SLC12A4: variants seen among roughly 807,000 people sequenced by gnomAD.
SLC12A4 encodes the protein electroneutral potassium-chloride cotransporter 1.
Under a neutral mutation model 119.2 loss-of-function variants are expected in SLC12A4, and 84 were observed. That is an observed-to-expected ratio of 0.70 (90% CI 0.59 to 0.85). The LOEUF (loss-of-function observed/expected upper bound fraction) is 0.85. SLC12A4 is among the 40% of genes least tolerant of loss of function. The pLI, the probability that SLC12A4 is intolerant of heterozygous loss-of-function variation, is 0.00. For missense variants in SLC12A4, 1,298 were observed against 1,476.3 expected, an observed-to-expected ratio of 0.88 and a Z score of 1.98; for synonymous variants, 599 against 604.6, an observed-to-expected ratio of 0.99 and a Z score of 0.14.
At chr16:67,945,634 C>T in intron 21 of SLC12A4, 81 bp from the exon 22 acceptor site, 1 of 1,530,454 alleles carries the variant, frequency 6.5e-7, no homozygotes. Flanking sequence ...GACCACCTTG[C>T]CTCCGGGAAA....
intron 6 of SLC12A4, among the ~76,000 whole-genome samples, chr16:67,953,103 A>C (rs1173549150): frequency 6.6e-6 from 1 of 151,700 alleles, no homozygotes; most frequent in Non-Finnish European, 1.5e-5. Context: ...GTCTCAAAAA[A>C]ATAAATGAAT....
Position 67,949,773 on chromosome 16 carries a change from C to CCCCTG in SLC12A4, c.1748+22_1748+26dup, listed in dbSNP as rs746357429. ...GGGGTTCAGGAAGCCTTTCCCCATC[C>CCCCTG]CCCTGCCCTGCCCGGCCCCAGCTCA... On this transcript the variant is annotated intron_variant, in intron 13 of 23. Transcript: ENST00000316341. The surrounding 1 kb of genome is among the most constrained non-coding windows in gnomAD (Gnocchi z 4.6). 6 of 1,527,630 alleles carry CCCCTG rather than the reference C, an allele frequency of 3.9e-6. No homozygotes were observed. In the African/African-American group the frequency reaches 6.9e-5, roughly 18 times the overall value. The allele number at this position is 1,527,630 out of a possible 1,614,324, so 94.6% of individuals were successfully genotyped here.
rs878890963 is a variant in SLC12A4 at position 67,944,656 on chromosome 16, TG to T, written c.*183del. On this transcript the variant is annotated 3_prime_UTR_variant, in exon 24 of 24. Coordinates refer to ENST00000316341, the MANE Select transcript of SLC12A4 (RefSeq NM_005072.5). This position sits in a 1 kb window ranked among gnomAD's most constrained non-coding sequence, Gnocchi z 6.6. ...AAACATCCCAGGGTCCCACAAGACC[TG>T]GGATCCATCTCCATTTTGAGGCCCA... 5.0e-5 allele frequency: 72 copies of T among 1,426,114 alleles called. No individual in the cohort carries two copies. In the South Asian group the frequency reaches 1.0e-3, roughly 21 times the overall value. 88.3% of individuals were successfully genotyped at this position (1,426,114 alleles called of 1,614,324 possible). A position where few individuals can be genotyped will look rare whatever the true frequency, so the allele number is the denominator to read the frequency against.
chr16:67,966,895 G>A (rs1213199469), intron 1 of SLC12A4: 50 of 1,491,234 alleles, frequency 3.4e-5, no homozygotes, highest in Non-Finnish European at 4.3e-5. Flanking sequence ...TGTAGCTCCA[G>A]GTCCCTCCAG....
chr16:67,968,353 G>T, intron 1 of SLC12A4, 86 bp downstream of exon 1: 1 of 1,253,614 alleles, frequency 8.0e-7, no homozygotes, highest in Non-Finnish European at 1.1e-6. Flanking sequence ...CAAGGTCCCG[G>T]GATAGGTGCG....
In SLC12A4 at chr16:67,968,449, A is replaced by T; in HGVS notation, c.105T>A (p.Asp35Glu). ...WVDYGERAEL[D>E]DSDGHGNHRE... ...AGAACGCGCCCTCACCGTCCGAGTC[A>T]TCCAGCTCGGCGCGCTCCCCGTAGT... Residue 35 changes from aspartate (D) to glutamate (E), a missense_variant, in exon 1 of 24, where the codon GAT becomes GAA. Coordinates refer to ENST00000316341, the MANE Select transcript of SLC12A4 (RefSeq NM_005072.5). 6.4e-7 allele frequency: 1 copy of T among 1,574,780 alleles called. No homozygotes were observed. Among genetic ancestry groups the T allele is most frequent in the Non-Finnish European group, 8.6e-7 (1 of 1,166,420 alleles).
intron 3 of SLC12A4, among the ~76,000 whole-genome samples, chr16:67,960,606 T>C (rs1347323542): frequency 6.6e-6 from 1 of 151,156 alleles, no homozygotes; most frequent in Non-Finnish European, 1.5e-5. Context: ...CCTCTGAGAA[T>C]ACTACAGCCA....
At position 67,947,325 on chromosome 16, in the gene SLC12A4, A is replaced by G. The variant is rs1715118592; in HGVS notation, c.2072+6T>C. On this transcript the variant is annotated splice_donor_region_variant and intron_variant, in intron 16 of 23. Coordinates refer to ENST00000316341, the MANE Select transcript of SLC12A4 (RefSeq NM_005072.5). ...GCGCCCTGGCCAGGGTCTGGCGGGA[A>G]CTCACCGCCAGTTCTTGGTGTGAGG... The G allele has an allele frequency of 1.2e-6, 2 of 1,609,960 alleles. No individual in the cohort carries two copies. The highest frequency in any genetic ancestry group is 1.7e-6 in the Non-Finnish European group (2 of 1,178,530).
intron 15 of SLC12A4, 56 bp from the exon 16 acceptor site, chr16:67,947,491 A>G: frequency 1.3e-6 from 2 of 1,562,352 alleles, no homozygotes; most frequent in East Asian, 2.3e-5. Flanking sequence ...GGTTCTGTCT[A>G]TGTGGATGCG....
intron 6 of SLC12A4, chr16:67,954,316 A>C (rs1421870657): frequency 8.2e-6 from 3 of 364,494 alleles, no homozygotes; most frequent in Non-Finnish European, 1.1e-5. Flanking sequence ...CCCAGAAGGA[A>C]GCCTACATCA....
intron 5 of SLC12A4, among the ~76,000 whole-genome samples, chr16:67,956,165 C>T (rs1008651948): frequency 7.9e-5 from 12 of 151,338 alleles, no homozygotes; most frequent in African/African-American, 1.5e-4. Flanking sequence ...CGACACACTC[C>T]GTCTCAAAAT....
Position 67,950,851 on chromosome 16 carries a change from G to T in SLC12A4, c.1396+111C>A. The stretch of plus-strand genomic sequence containing the variant: ...GTGTATGTGCATGTGTGCATGAGAA[G>T]GGGAGCTATATATGAGTGTGTGGGG... On this transcript the variant is annotated intron_variant, in intron 10 of 23. Transcript: ENST00000316341. This position sits in a 1 kb window ranked among gnomAD's most constrained non-coding sequence, Gnocchi z 4.3. The T allele has an allele frequency of 7.0e-7, 1 of 1,427,374 alleles. No individual in the cohort carries two copies. The highest frequency in any genetic ancestry group is 9.7e-7 in the Non-Finnish European group (1 of 1,025,786). The allele number at this position is 1,427,374 out of a possible 1,614,324, so 88.4% of individuals were successfully genotyped here. A position where few individuals can be genotyped will look rare whatever the true frequency, so the allele number is the denominator to read the frequency against.
rs763176939 is a variant in SLC12A4 at position 67,951,293 on chromosome 16, T to C, written c.1144A>G (p.Ser382Gly). Residue 382 changes from serine (S) to glycine (G), a missense_variant, in exon 9 of 24, where the codon AGC (serine) becomes GGC (glycine). Physicochemically the swap from Ser to Gly is moderately conservative, Grantham distance 56 (BLOSUM62 0). Transcript: ENST00000316341. The surrounding 1 kb of genome is among the most constrained non-coding windows in gnomAD (Gnocchi z 5.2). ...ATGTCACCCTTCTCCAGGTAGGCGC[T>C]CCACAGGTTTTCTGCAGGGGTAGCT... ...AAGVLQENLW[S>G]AYLEKGDIVE... 1.7e-5 allele frequency: 28 copies of C among 1,612,992 alleles called. No homozygotes were observed. In the Admixed American group the frequency reaches 4.5e-4, roughly 26 times the overall value.
intron 1 of SLC12A4, chr16:67,963,861 G>A (rs2030721690): frequency 3.3e-6 from 5 of 1,533,822 alleles, no homozygotes; most frequent in East Asian, 4.9e-5. Context: ...GCAGAGGGGC[G>A]GGGCCAGCGT....
Position 67,950,515 on chromosome 16 carries a change from G to T in SLC12A4, c.1455-22C>A. ...ATACCTGCAGGGGCCACCAGAGTGA[G>T]GGATGTCAGGGGTCCGGAAGGATGG... is the stretch of plus-strand genomic sequence containing the variant. On this transcript the variant is annotated intron_variant, in intron 11 of 23. Transcript: ENST00000316341. This position sits in a 1 kb window ranked among gnomAD's most constrained non-coding sequence, Gnocchi z 4.3. 6.2e-7 allele frequency: 1 copy of T among 1,613,472 alleles called. No individual in the cohort carries two copies. Among genetic ancestry groups the T allele is most frequent in the Non-Finnish European group, 8.5e-7 (1 of 1,179,640 alleles).
At position 67,949,440 on chromosome 16, in the gene SLC12A4, G is replaced by C. The variant is rs1224470208; in HGVS notation, c.1748+360C>G. 2.8e-5 allele frequency: 5 copies of C among 176,814 alleles called. No individual in the cohort carries two copies. The highest frequency in any genetic ancestry group is 1.3e-4 in the Admixed American group (2 of 15,688). The allele number at this position is 176,814 out of a possible 1,614,324, so 11.0% of individuals were successfully genotyped here. A position where few individuals can be genotyped will look rare whatever the true frequency, so the allele number is the denominator to read the frequency against. ...CACTCCAGCCTGGGTGAGAGAGTGA[G>C]ACTCTGTCTCAAAAAAAAAAAACAA... On this transcript the variant is annotated intron_variant, in intron 13 of 23. Transcript: ENST00000316341. This position sits in a 1 kb window ranked among gnomAD's most constrained non-coding sequence, Gnocchi z 4.6.
chr16:67,944,363 G>A lies in SLC12A4; in HGVS notation c.*477C>T, dbSNP rs2058317000. 8.1e-6 allele frequency: 11 copies of A among 1,353,968 alleles called. No homozygotes were observed. The highest frequency in any genetic ancestry group is 1.0e-5 in the Non-Finnish European group (11 of 1,053,742). 83.9% of individuals were successfully genotyped at this position (1,353,968 alleles called of 1,614,324 possible). On this transcript the variant is annotated 3_prime_UTR_variant, in exon 24 of 24. Transcript: ENST00000316341. This position sits in a 1 kb window ranked among gnomAD's most constrained non-coding sequence, Gnocchi z 6.6. ...CACAATGTTTTATTGAAAAAGTCAG[G>A]CCTCAGCTCAGCTGTCTCCATTCGG...
Position 67,952,167 on chromosome 16 carries a change from A to G in SLC12A4, c.917+17T>C. 7.4e-6 allele frequency: 12 copies of G among 1,613,386 alleles called. No homozygotes were observed. Among genetic ancestry groups the G allele is most frequent in the Non-Finnish European group, 1.0e-5 (12 of 1,179,400 alleles). Reference sequence around the variant, plus strand: ...GGATGTCCATGCAATGCCCAGATAAATTCCTGGGTTACTTACGGAAACACG... The same window carrying G: ...GGATGTCCATGCAATGCCCAGATAAGTTCCTGGGTTACTTACGGAAACACG... On this transcript the variant is annotated intron_variant, in intron 7 of 23. Coordinates refer to ENST00000316341, the MANE Select transcript of SLC12A4 (RefSeq NM_005072.5).
rs1346115906 is a variant in SLC12A4 at position 67,948,155 on chromosome 16, A to G, written c.1753T>C (p.Phe585Leu). ...DMVAPILSMF[F>L]LMCYLFVNLA... is the part of the protein sequence containing the mutation. ...TTCACGAACAGGTAGCACATCAGAA[A>G]GAACCTGCGGCACAGAGGGCGGTTG... The change falls in exon 14 of 24, where the codon TTT becomes CTT. Residue 585 changes from phenylalanine to leucine, a missense_variant. Phe to Leu is a conservative substitution (Grantham distance 22). Coordinates refer to ENST00000316341, the MANE Select transcript of SLC12A4 (RefSeq NM_005072.5). 3 of 1,613,104 alleles carry G rather than the reference A, an allele frequency of 1.9e-6. No homozygotes were observed. Among genetic ancestry groups the G allele is most frequent in the Non-Finnish European group, 2.5e-6 (3 of 1,179,980 alleles).
Sources: gnomAD v4.1 joint callset for allele counts (sites outside exome capture counted in the v4.1 genomes callset) on GRCh38, gnomAD v4.1.1 for gene constraint, Gnocchi (gnomAD v3.1) non-coding constraint, MANE v1.5 for transcripts, NCBI Gene and HGNC (gene_info 2026-07-23, HGNC 2026-07-21) for gene names.